The following CSMD1 variants were observed in gnomAD, a reference collection of about 807,000 sequenced individuals.
The protein encoded by CSMD1 is CUB and sushi domain-containing protein 1.
CSMD1 carries 213 observed loss-of-function variants against 417.5 expected under a neutral mutation model. That is an observed-to-expected ratio of 0.51 (90% CI 0.46 to 0.57). The LOEUF is 0.57. Among genes scored for constraint, CSMD1 ranks in the 20% least tolerant of loss-of-function variants. The pLI is 0.00. For synonymous variants in CSMD1, 2,862 were observed against 1,736.8 expected (o/e 1.65, Z -16.11); for missense variants, 6,923 against 4,529.7 (o/e 1.53, Z -15.17).
chr8:4,438,667 G>A (rs1324808487), intron 2 of CSMD1, among the ~76,000 whole-genome samples: 1 of 152,182 alleles, frequency 6.6e-6, no homozygotes, highest in Non-Finnish European at 1.5e-5. Flanking sequence ...AATTCCTGCA[G>A]GTAGAGCCAC....
rs191855274 is a variant in CSMD1, at chr8:4,926,401, T to G, written c.85+67931A>C. Among the ~76,000 whole-genome samples the G allele has an allele frequency of 8.1e-3, 1,236 of 152,342 alleles. 14 individuals are homozygous for G. Among genetic ancestry groups the G allele is most frequent in the African/African-American group, 0.028 (1,154 of 41,572 alleles). ...CGATATTTTCTGTATTTGTGAGATC[T>G]ACGCATGTGGCCGTGTAATTCTCTC... On this transcript the variant is annotated intron_variant, in intron 1 of 69. Coordinates refer to ENST00000635120, the MANE Select transcript of CSMD1 (RefSeq NM_033225.6).
intron 1 of CSMD1, among the ~76,000 whole-genome samples, chr8:4,793,555 T>A (rs1170127128): frequency 6.6e-6 from 1 of 152,008 alleles, no homozygotes; most frequent in Non-Finnish European, 1.5e-5. Flanking sequence ...GCAGAAATTA[T>A]TTCTATCATT....
intron 3 of CSMD1, among the ~76,000 whole-genome samples, chr8:4,419,213 C>T (rs1174384933): frequency 6.6e-6 from 1 of 152,148 alleles, no homozygotes; most frequent in Non-Finnish European, 1.5e-5. Flanking sequence ...TCCAGAGTTT[C>T]TGTTACAGAC....
intron 2 of CSMD1, among the ~76,000 whole-genome samples, chr8:4,483,163 G>C (rs550908922): frequency 2.0e-5 from 3 of 152,096 alleles, no homozygotes; most frequent in East Asian, 1.9e-4. Flanking sequence ...GGTTTGATAA[G>C]GGGTAATCCA....
At chr8:3,595,233 A>C (rs1355477092) in intron 8 of CSMD1, among the ~76,000 whole-genome samples, 1 of 152,192 alleles carries the variant, frequency 6.6e-6, no homozygotes, top group Non-Finnish European at 1.5e-5. Flanking sequence ...ACCATTTGCA[A>C]GCAAGCCAGC....
intron 3 of CSMD1, among the ~76,000 whole-genome samples, chr8:4,059,504 G>C (rs2680618): frequency 0.6 from 86,616 of 143,758 alleles, 24,956 homozygotes; most frequent in Non-Finnish European, 0.68. Context: ...GAATCCAGGA[G>C]CTGGTTTTTT....
At chr8:3,609,027 G>A (rs1414876433) in intron 8 of CSMD1, among the ~76,000 whole-genome samples, 1 of 152,158 alleles carries the variant, frequency 6.6e-6, no homozygotes, top group Admixed American at 6.5e-5. Context: ...CAGCGGTCCT[G>A]CATAGTGAGT....
chr8:4,252,737 AGC>A (rs1399337557), intron 3 of CSMD1, among the ~76,000 whole-genome samples: 1 of 152,202 alleles, frequency 6.6e-6, no homozygotes, highest in African/African-American at 2.4e-5. Context: ...GAATTATGAG[AGC>A]GCTTTTAGAT....
chr8:2,994,051 C>A (rs1282255933), intron 54 of CSMD1, among the ~76,000 whole-genome samples: 1 of 139,466 alleles, frequency 7.2e-6, no homozygotes, highest in Non-Finnish European at 1.5e-5. Context: ...GAGGTTGAGG[C>A]AGGAGATTCA....
intron 7 of CSMD1, among the ~76,000 whole-genome samples, chr8:3,674,821 T>G (rs1799289189): frequency 6.6e-6 from 1 of 152,192 alleles, no homozygotes; most frequent in African/African-American, 2.4e-5. Context: ...GAGGCTGCAC[T>G]GAAGTTATCA....
intron 4 of CSMD1, among the ~76,000 whole-genome samples, chr8:4,026,774 G>C (rs1031152616): frequency 2.0e-5 from 3 of 152,184 alleles, no homozygotes; most frequent in Non-Finnish European, 2.9e-5. Context: ...CTAAAATTTA[G>C]ATTTAAGTTT....
At chr8:4,008,796 G>C (rs796806822) in intron 4 of CSMD1, among the ~76,000 whole-genome samples, 8 of 151,572 alleles carry the variant, frequency 5.3e-5, no homozygotes, top group African/African-American at 1.5e-4. Context: ...GTTTTTGGTA[G>C]AGACGGGATT....
chr8:3,296,595 A>G (rs370508617), intron 25 of CSMD1, among the ~76,000 whole-genome samples: 7 of 152,256 alleles, frequency 4.6e-5, no homozygotes, highest in South Asian at 2.1e-4. Flanking sequence ...CACTCTGTCA[A>G]CGTTTTGAGT....
In CSMD1 at chr8:4,401,419, T is replaced by C. The variant is rs868249137; in HGVS notation, c.415+18534A>G. 2.0e-5 allele frequency among the ~76,000 whole-genome samples: 3 copies of C among 152,160 alleles called. No individual in the cohort carries two copies. In the South Asian group the frequency reaches 6.2e-4, roughly 32 times the overall value. On this transcript the variant is annotated intron_variant, in intron 3 of 69. Transcript: ENST00000635120. ...GTTGTTTATGACCACAACTATTTTA[T>C]ATTATTTGGACATGTTTTAAAAACA...
intron 5 of CSMD1, among the ~76,000 whole-genome samples, chr8:3,913,713 T>A (rs1197661334): frequency 6.6e-6 from 1 of 152,124 alleles, no homozygotes; most frequent in Admixed American, 6.5e-5. Context: ...GATGGAAGCA[T>A]GCAGGGAAGG....
chr8:3,900,251 G>A (rs1807644870), intron 5 of CSMD1, among the ~76,000 whole-genome samples: 1 of 151,016 alleles, frequency 6.6e-6, no homozygotes. Flanking sequence ...GGGTAACAGG[G>A]CAGCTGGGTG....
chr8:4,134,345 T>C (rs997139745), intron 3 of CSMD1, among the ~76,000 whole-genome samples: 2 of 152,114 alleles, frequency 1.3e-5, no homozygotes, highest in African/African-American at 4.8e-5. Flanking sequence ...TGGGTCCTCA[T>C]CCATGACGAT....
At chr8:4,063,049 A>T (rs2554703) in intron 3 of CSMD1, among the ~76,000 whole-genome samples, 36,602 of 152,176 alleles carry the variant, frequency 0.24, 5,005 homozygotes, top group South Asian at 0.31. Context: ...GTTGGCTAAT[A>T]GGGATAAATA....
intron 5 of CSMD1, among the ~76,000 whole-genome samples, chr8:3,971,360 T>G (rs1345003711): frequency 2.0e-5 from 3 of 152,168 alleles, no homozygotes; most frequent in Admixed American, 6.5e-5. Context: ...TCTGTAATGT[T>G]CTGAAAATAT....
Sources: allele counts gnomAD v4.1 joint callset (sites outside exome capture counted in the v4.1 genomes callset), GRCh38; gene constraint gnomAD v4.1.1; transcripts MANE v1.5; gene names NCBI Gene and HGNC (gene_info 2026-07-23, HGNC 2026-07-21).